Variants in TCF7L1 observed in about 807,000 individuals in gnomAD.
The protein encoded by TCF7L1 is transcription factor 7 like 1.
TCF7L1 carries 18 observed loss-of-function variants against 63.7 expected under a neutral mutation model. The observed-to-expected ratio is 0.28, with a 90% CI of 0.20 to 0.42. The LOEUF is 0.42. Among genes scored for constraint, TCF7L1 ranks in the 10% least tolerant of loss-of-function variants. The pLI is 1.00. For synonymous variants in TCF7L1, 355 were observed against 340.9 expected, an observed-to-expected ratio of 1.04 and a Z score of -0.46; for missense variants, 654 against 779.3, an observed-to-expected ratio of 0.84 and a Z score of 1.91.
intron 3 of TCF7L1, among the ~76,000 whole-genome samples, chr2:85,250,031 T>C (rs968377562): frequency 6.6e-6 from 1 of 152,268 alleles, no homozygotes; most frequent in Admixed American, 6.5e-5. Context: ...TCTAATGCAG[T>C]GGACTGTGTG....
chr2:85,187,373 C>T (rs1204217702), intron 3 of TCF7L1: 3 of 152,238 alleles, frequency 2.0e-5, no homozygotes, highest in Non-Finnish European at 2.9e-5. Context: ...AGGAAAGAGA[C>T]TCTTCCTGGT....
chr2:85,241,437 G>GTTTTT (rs772334481), intron 3 of TCF7L1, among the ~76,000 whole-genome samples: 30 of 83,070 alleles, frequency 3.6e-4, no homozygotes, highest in Non-Finnish European at 5.9e-4. Context: ...CTTTGTTTTT[G>GTTTTT]TTTTTTTTTT....
chr2:85,177,935 T>TA (rs1558625054), intron 3 of TCF7L1, among the ~76,000 whole-genome samples: 1 of 152,150 alleles, frequency 6.6e-6, no homozygotes, highest in Non-Finnish European at 1.5e-5. Context: ...AGAACACAGA[T>TA]ATCATGTAGC....
chr2:85,283,609 G>A, intron 4 of TCF7L1, 31 bp downstream of exon 4: 1 of 1,612,216 alleles, frequency 6.2e-7, no homozygotes, highest in Non-Finnish European at 8.5e-7. Context: ...AGCACCAAAG[G>A]GCCACTATTA....
At position 85,260,655 on chromosome 2, in the gene TCF7L1, A is replaced by AC. The variant is rs200782198; in HGVS notation, c.442-22839dup. On this transcript the variant is annotated intron_variant, in intron 3 of 11. Coordinates refer to ENST00000282111, the MANE Select transcript of TCF7L1 (RefSeq NM_031283.3). ...TGAGACCCTATCTCAAAAAAAAAAA[A>AC]CAGACAAATAGACCTTGTACGTGAG... Among the ~76,000 whole-genome samples, 276 of 150,646 alleles carry AC rather than the reference A, an allele frequency of 1.8e-3. 1 individual carries two copies. The highest frequency in any genetic ancestry group is 6.3e-3 in the African/African-American group (258 of 41,032).
intron 3 of TCF7L1, among the ~76,000 whole-genome samples, chr2:85,249,689 G>C (rs989043967): frequency 6.6e-6 from 1 of 152,156 alleles, no homozygotes; most frequent in African/African-American, 2.4e-5. Context: ...ATTTGCTCTT[G>C]AGTCTTAGTT....
chr2:85,240,436 C>T (rs1680296642), intron 3 of TCF7L1, among the ~76,000 whole-genome samples: 1 of 152,076 alleles, frequency 6.6e-6, no homozygotes, highest in African/African-American at 2.4e-5. Flanking sequence ...TCTAACAGTT[C>T]CCGTGTTAGA....
intron 3 of TCF7L1, among the ~76,000 whole-genome samples, chr2:85,222,979 G>T (rs1328339221): frequency 6.6e-6 from 1 of 152,198 alleles, no homozygotes; most frequent in Non-Finnish European, 1.5e-5. Flanking sequence ...GTGGGGGATG[G>T]ATGAATGGAG....
intron 3 of TCF7L1, among the ~76,000 whole-genome samples, chr2:85,195,672 G>A (rs563211220): frequency 2.6e-4 from 40 of 151,950 alleles, no homozygotes; most frequent in African/African-American, 8.2e-4. Context: ...GCAGCCTCCC[G>A]AGTAGCTGGG....
At chr2:85,192,318 A>G (rs1182990889) in intron 3 of TCF7L1, among the ~76,000 whole-genome samples, 1 of 152,232 alleles carries the variant, frequency 6.6e-6, no homozygotes, top group Non-Finnish European at 1.5e-5. Context: ...GTCATCTGCA[A>G]AATGGAGCTA....
intron 3 of TCF7L1, among the ~76,000 whole-genome samples, chr2:85,192,582 C>T (rs1426012246): frequency 6.6e-6 from 1 of 151,928 alleles, no homozygotes; most frequent in Non-Finnish European, 1.5e-5. Context: ...GGGTTTTCAG[C>T]ATGTTGTTCA....
chr2:85,170,215 T>G (rs1678516138), intron 3 of TCF7L1, among the ~76,000 whole-genome samples: 1 of 152,184 alleles, frequency 6.6e-6, no homozygotes, highest in African/African-American at 2.4e-5. Flanking sequence ...TTTGCTCTGC[T>G]GGGTCATCTT....
chr2:85,294,394 T>C (rs1395471080), intron 4 of TCF7L1, among the ~76,000 whole-genome samples: 2 of 152,154 alleles, frequency 1.3e-5, no homozygotes, highest in South Asian at 2.1e-4. Flanking sequence ...AATCACACTT[T>C]GCAGAGTTTG....
rs1679340015 is a variant in TCF7L1, at chr2:85,204,175, A to G, written c.441+69725A>G. Among the ~76,000 whole-genome samples the G allele has an allele frequency of 2.0e-5, 3 of 150,460 alleles. No individual in the cohort carries two copies. The South Asian group carries it at 6.3e-4, about 31-fold the overall frequency. ...GCCTAGCTCCACTTCACTCACTGCT[A>G]TTTGGTGTGTGTTCTTCCTGGCTGG... On this transcript the variant is annotated intron_variant, in intron 3 of 11. Transcript: ENST00000282111.
At chr2:85,279,325 AAGGCGGGAGGATTGCTTGAGCCC>A (rs1328956784) in intron 3 of TCF7L1, among the ~76,000 whole-genome samples, 2 of 152,230 alleles carry the variant, frequency 1.3e-5, no homozygotes, top group African/African-American at 4.8e-5. Flanking sequence ...TTGCGAGAGC[AAGGCGGGAGGATTGCTTGAGCCC>A]AGGCGTTGAA....
chr2:85,274,597 G>A (rs978699617), intron 3 of TCF7L1, among the ~76,000 whole-genome samples: 1 of 152,184 alleles, frequency 6.6e-6, no homozygotes, highest in African/African-American at 2.4e-5. Flanking sequence ...GTGTGCCTGA[G>A]CCAGCTGGCA....
chr2:85,146,626 T>G (rs1808640), intron 3 of TCF7L1, among the ~76,000 whole-genome samples: 6 of 150,978 alleles, frequency 4.0e-5, no homozygotes, highest in African/African-American at 1.2e-4. Context: ...CTCAGCCTCC[T>G]GAGTAGCTGG....
intron 3 of TCF7L1, among the ~76,000 whole-genome samples, chr2:85,203,881 A>G (rs1679334664): frequency 6.6e-6 from 1 of 152,222 alleles, no homozygotes; most frequent in Non-Finnish European, 1.5e-5. Flanking sequence ...AGCATCCTAT[A>G]AAAGCCACAG....
At chr2:85,302,367 G>A in intron 4 of TCF7L1, 117 bp from the exon 5 acceptor site, 1 of 1,413,622 alleles carries the variant, frequency 7.1e-7, no homozygotes, top group Non-Finnish European at 9.9e-7. Flanking sequence ...ACTGTTTTGA[G>A]GACTGAATGG....
Sources: allele counts gnomAD v4.1 joint callset (sites outside exome capture counted in the v4.1 genomes callset), GRCh38; gene constraint gnomAD v4.1.1; transcripts MANE v1.5; gene names NCBI Gene and HGNC (gene_info 2026-07-23, HGNC 2026-07-21).